SCIN: variants seen among roughly 807,000 people sequenced by gnomAD.
SCIN encodes scinderin, also known as adseverin.
A neutral mutation model predicts 91.8 loss-of-function variants in SCIN; 91 were observed. The ratio of observed to expected loss-of-function variants is 0.99; its 90% CI spans 0.84 to 1.18. SCIN has a LOEUF of 1.18. SCIN is among the 50% of genes most tolerant of loss of function. SCIN has a pLI of 0.00. For synonymous variants in SCIN, 367 were observed against 312.6 expected (o/e 1.17, Z -1.84); for missense variants, 1,087 against 863.9 (o/e 1.26, Z -3.24).
intron 3 of SCIN, among the ~76,000 whole-genome samples, chr7:12,587,665 C>T (rs1468475603): frequency 6.6e-6 from 1 of 152,178 alleles, no homozygotes; most frequent in Non-Finnish European, 1.5e-5. Flanking sequence ...GCCCCTTGGC[C>T]CAGTGGCTTG....
At position 12,625,049 on chromosome 7, in the gene SCIN, G is replaced by T; in HGVS notation, c.799G>T (p.Ala267Ser). 1.3e-6 allele frequency: 2 copies of T among 1,579,806 alleles called. No homozygotes were observed. Among genetic ancestry groups the T allele is most frequent in the Middle Eastern group, 3.3e-4 (2 of 6,022 alleles). ...ASGSMRVTVV[A>S]EENPFSMAML... ...TGGCTCCATGAGAGTGACTGTGGTG[G>T]CAGAAGAAAACCCCTTCTCAATGGC... Residue 267 changes from alanine (A) to serine (S), a missense_variant, in exon 6 of 16, where the codon GCA becomes TCA. By Grantham distance (99) the Ala-to-Ser change is moderately conservative. Coordinates refer to ENST00000297029, the MANE Select transcript of SCIN (RefSeq NM_001112706.3).
At chr7:12,577,043 G>T (rs909217779) in intron 1 of SCIN, among the ~76,000 whole-genome samples, 11 of 152,086 alleles carry the variant, frequency 7.2e-5, no homozygotes, top group Admixed American at 2.6e-4. Flanking sequence ...TGGTTCTTAG[G>T]AATTGTTTTG....
intron 3 of SCIN, among the ~76,000 whole-genome samples, chr7:12,587,568 C>G (rs565158861): frequency 3.4e-4 from 52 of 152,262 alleles, no homozygotes; most frequent in South Asian, 6.2e-4. Flanking sequence ...GTTCTGTCAG[C>G]CACTACTGCA....
intron 4 of SCIN, among the ~76,000 whole-genome samples, chr7:12,622,443 G>A (rs1431897748): frequency 6.6e-6 from 1 of 152,102 alleles, no homozygotes; most frequent in Non-Finnish European, 1.5e-5. Context: ...ATTTCTAGAA[G>A]CAGAGGTCAT....
intron 3 of SCIN, among the ~76,000 whole-genome samples, chr7:12,590,036 G>A (rs1475413528): frequency 2.6e-5 from 4 of 152,148 alleles, no homozygotes; most frequent in Admixed American, 6.5e-5. Context: ...GGCCAGCATG[G>A]GATATGGAGA....
chr7:12,647,910 G>A (rs1783997389), intron 13 of SCIN, among the ~76,000 whole-genome samples: 1 of 152,124 alleles, frequency 6.6e-6, no homozygotes, highest in African/African-American at 2.4e-5. Context: ...ACACAAAAAG[G>A]CCCTTGCTGA....
intron 3 of SCIN, among the ~76,000 whole-genome samples, chr7:12,593,323 T>C (rs1372022161): frequency 6.6e-6 from 1 of 152,148 alleles, no homozygotes; most frequent in African/African-American, 2.4e-5. Context: ...TCGTCCCTGT[T>C]ATTAAAGACT....
At position 12,654,522 on chromosome 7, in the gene SCIN, A is replaced by G. The variant is rs1156982296; in HGVS notation, c.*1807A>G. On this transcript the variant is annotated 3_prime_UTR_variant, in exon 16 of 16. Coordinates refer to ENST00000297029, the MANE Select transcript of SCIN (RefSeq NM_001112706.3). The stretch of plus-strand genomic sequence containing the variant: ...TTTAACATTTCTAGGAATGTAATTG[A>G]GTGAAAAATAATTTTTAAAAATATT... 6.6e-6 allele frequency: 1 copy of G among 152,210 alleles called. No individual in the cohort carries two copies. The highest frequency in any genetic ancestry group is 1.5e-5 in the Non-Finnish European group (1 of 68,026). 9.4% of individuals were successfully genotyped at this position (152,210 alleles called of 1,614,324 possible). A position where few individuals can be genotyped will look rare whatever the true frequency, so the allele number is the denominator to read the frequency against.
chr7:12,628,554 G>T (rs190359724), intron 8 of SCIN, among the ~76,000 whole-genome samples: 8 of 152,202 alleles, frequency 5.3e-5, no homozygotes, highest in Admixed American at 2.6e-4. Flanking sequence ...ACCTCCCAAA[G>T]GTCCCACCTC....
intron 9 of SCIN, among the ~76,000 whole-genome samples, chr7:12,631,385 T>C (rs755455006): frequency 6.6e-6 from 1 of 152,196 alleles, no homozygotes; most frequent in African/African-American, 2.4e-5. Context: ...GAGTGATCTT[T>C]GGATAATTAT....
At chr7:12,584,373 C>G (rs546387921) in intron 3 of SCIN, among the ~76,000 whole-genome samples, 2 of 152,242 alleles carry the variant, frequency 1.3e-5, no homozygotes, top group African/African-American at 4.8e-5. Flanking sequence ...GGCCACCTGG[C>G]CAAAACTAAG....
At chr7:12,637,824 T>C (rs1236707231) in intron 10 of SCIN, among the ~76,000 whole-genome samples, 1 of 149,836 alleles carries the variant, frequency 6.7e-6, no homozygotes, top group African/African-American at 2.4e-5. Context: ...TATATCTATC[T>C]ATCTAACTTA....
rs192790114 is a variant in SCIN at position 12,593,344 on chromosome 7, G to A, written c.517-11170G>A. ...CTGTTATTAAAGACTTTGAAAGCCA[G>A]GTTAAGGAGGTCTTGTTGTGGGGTT... On this transcript the variant is annotated intron_variant, in intron 3 of 15. Transcript: ENST00000297029. 1.2e-3 allele frequency among the ~76,000 whole-genome samples: 177 copies of A among 152,220 alleles called. 2 individuals carry two copies. In the East Asian group the frequency reaches 0.03, roughly 26 times the overall value.
intron 6 of SCIN, 87 bp downstream of exon 6, chr7:12,625,229 A>C: frequency 8.1e-7 from 1 of 1,228,026 alleles, no homozygotes; most frequent in Non-Finnish European, 1.1e-6. Flanking sequence ...TTGATTTTAA[A>C]AAAAAGCCCA....
In SCIN at chr7:12,657,143, A is replaced by C. The variant is rs925064269; in HGVS notation, c.*4428A>C. 2 of 151,748 alleles carry C rather than the reference A, an allele frequency of 1.3e-5. No homozygotes were observed. Among genetic ancestry groups the C allele is most frequent in the African/African-American group, 4.8e-5 (2 of 41,290 alleles). 9.4% of individuals were successfully genotyped at this position (151,748 alleles called of 1,614,324 possible). ...TGAACATACACATATCCTATAATCC[A>C]GAAATCCCACTCCATGGTGTGTACC... On this transcript the variant is annotated 3_prime_UTR_variant, in exon 16 of 16. Transcript: ENST00000297029.
Position 12,581,204 on chromosome 7 carries a change from A to G in SCIN, c.499A>G (p.Ile167Val), listed in dbSNP as rs1423662688. The G allele has an allele frequency of 6.4e-7, 1 of 1,551,338 alleles. No homozygotes were observed. Among genetic ancestry groups the G allele is most frequent in the Non-Finnish European group, 8.7e-7 (1 of 1,146,758 alleles). ...WDSFNKGDCFIIDLGTEIYQW... is the reference protein window; with the variant it reads ...WDSFNKGDCFVIDLGTEIYQW... Reference sequence around the variant, plus strand: ...CAGTTTCAACAAGGGTGACTGCTTCATCATTGACCTTGGCACCGTAAGTTT... The same window carrying G: ...CAGTTTCAACAAGGGTGACTGCTTCGTCATTGACCTTGGCACCGTAAGTTT... The change falls in exon 3 of 16, where the codon ATC (isoleucine) becomes GTC (valine). Residue 167 changes from isoleucine (I) to valine (V), a missense_variant. Physicochemically the swap from Ile to Val is conservative, Grantham distance 29. Transcript: ENST00000297029.
intron 9 of SCIN, among the ~76,000 whole-genome samples, chr7:12,634,545 A>G (rs536825680): frequency 1.3e-5 from 2 of 152,346 alleles, no homozygotes; most frequent in East Asian, 1.9e-4. Context: ...AAAAACAGCA[A>G]TTACTTTTGC....
Position 12,657,360 on chromosome 7 carries a change from G to T in SCIN, c.*4645G>T, listed in dbSNP as rs1006257193. The T allele has an allele frequency of 6.7e-6, 1 of 149,320 alleles. No homozygotes were observed. The highest frequency in any genetic ancestry group is 6.7e-5 in the Admixed American group (1 of 14,952). 9.2% of individuals were successfully genotyped at this position (149,320 alleles called of 1,614,324 possible). A position where few individuals can be genotyped will look rare whatever the true frequency, so the allele number is the denominator to read the frequency against. ...GTCTCCCCAGGAGCTGGGACTCTAG[G>T]TGCGTGCCACCACGCCCAGCTAATT... On this transcript the variant is annotated 3_prime_UTR_variant, in exon 16 of 16. Transcript: ENST00000297029.
chr7:12,573,559 T>G (rs1266315537), intron 1 of SCIN, among the ~76,000 whole-genome samples: 2 of 152,166 alleles, frequency 1.3e-5, no homozygotes, highest in Non-Finnish European at 2.9e-5. Context: ...AAAGTAAAAA[T>G]TTATTGCAAA....
Sources: gnomAD v4.1 joint callset for allele counts (sites outside exome capture counted in the v4.1 genomes callset) on GRCh38, gnomAD v4.1.1 for gene constraint, MANE v1.5 for transcripts, NCBI Gene and HGNC (gene_info 2026-07-23, HGNC 2026-07-21) for gene names.